The following KAT6A variants were observed in gnomAD, a reference collection of about 807,000 sequenced individuals.
KAT6A encodes histone acetyltransferase KAT6A.
In KAT6A, 9 loss-of-function variants were observed where a neutral mutation model predicts 198.4. The ratio of observed to expected loss-of-function variants is 0.05; its 90% CI spans 0.03 to 0.08. The LOEUF is 0.08. Among genes scored for constraint, KAT6A ranks in the 10% least tolerant of loss-of-function variants. KAT6A has a pLI of 1.00. For synonymous variants in KAT6A, 890 were observed against 883.0 expected, an observed-to-expected ratio of 1.01 and a Z score of -0.14; for missense variants, 2,077 against 2,509.9, an observed-to-expected ratio of 0.83 and a Z score of 3.69.
In KAT6A at chr8:41,942,815, T is replaced by C; in HGVS notation, c.2414A>G (p.Gln805Arg). 6.2e-7 allele frequency: 1 copy of C among 1,614,156 alleles called. No homozygotes were observed. Among genetic ancestry groups the C allele is most frequent in the Non-Finnish European group, 8.5e-7 (1 of 1,179,992 alleles). The change falls in exon 14 of 17, where the codon CAG becomes CGG. Residue 805 changes from glutamine (Q) to arginine (R), a missense_variant. Physicochemically the swap from Gln to Arg is conservative, Grantham distance 43 (BLOSUM62 1). Transcript: ENST00000265713. ...TACACTGATCTCTAATTCTCTTTCCTGGCACTGTGGCTCTTCGTTTTCTCC... is the reference window on the plus strand; with the variant it reads ...TACACTGATCTCTAATTCTCTTTCCCGGCACTGTGGCTCTTCGTTTTCTCC... ...EEGENEEPQC[Q>R]ERELEISVGK...
At chr8:41,991,062 A>G (rs544929050) in intron 2 of KAT6A, among the ~76,000 whole-genome samples, 1 of 152,140 alleles carries the variant, frequency 6.6e-6, no homozygotes, top group Admixed American at 6.5e-5. Flanking sequence ...ATAAATATAA[A>G]TTGACAAGAC....
intron 2 of KAT6A, among the ~76,000 whole-genome samples, chr8:41,996,085 C>T (rs141272619): frequency 2.8e-3 from 425 of 152,258 alleles, no homozygotes; most frequent in African/African-American, 9.6e-3. Context: ...TTTATTTTGT[C>T]TCTATTCTTA....
At chr8:42,031,204 T>C (rs1326350396) in intron 2 of KAT6A, among the ~76,000 whole-genome samples, 1 of 152,210 alleles carries the variant, frequency 6.6e-6, no homozygotes, top group East Asian at 1.9e-4. Flanking sequence ...GAATTCTCGT[T>C]TTTGTACTTT....
intron 2 of KAT6A, among the ~76,000 whole-genome samples, chr8:42,003,991 C>T (rs1057066962): frequency 3.3e-5 from 5 of 152,282 alleles, no homozygotes; most frequent in Middle Eastern, 3.4e-3. Context: ...ATTTAGTCTA[C>T]GGTATTCTGT....
chr8:42,040,400 A>G (rs1357592049), intron 2 of KAT6A, among the ~76,000 whole-genome samples: 2 of 152,152 alleles, frequency 1.3e-5, no homozygotes, highest in Non-Finnish European at 2.9e-5. Flanking sequence ...GAAAGAGTAA[A>G]GTACTTATTC....
chr8:41,997,703 C>A (rs1485113227), intron 2 of KAT6A, among the ~76,000 whole-genome samples: 3 of 152,156 alleles, frequency 2.0e-5, no homozygotes, highest in Admixed American at 6.5e-5. Flanking sequence ...CAACTACAAC[C>A]TAGACTGCCT....
At chr8:41,955,172 T>C (rs538962647) in intron 9 of KAT6A, 124 bp downstream of exon 9, 1 of 660,904 alleles carries the variant, frequency 1.5e-6, no homozygotes, top group East Asian at 2.9e-5. Flanking sequence ...ATTATGGACA[T>C]TTAAAAGCCC....
intron 2 of KAT6A, among the ~76,000 whole-genome samples, chr8:42,038,203 T>G (rs1827471892): frequency 6.6e-6 from 1 of 152,198 alleles, no homozygotes; most frequent in Non-Finnish European, 1.5e-5. Flanking sequence ...TAAATGGACT[T>G]TTTTTCCCAA....
chr8:41,974,821 G>A lies in KAT6A; in HGVS notation c.1365C>T (p.Asp455=). ...GTTTGCCATCCCAGCCATCCTGATT[G>A]TCTACATATAAAAAAAGAGCTCACA... ...RKSSTSDWPT[D]NQDGWDGKQE... The change falls in exon 8 of 17, where the codon GAC becomes GAT. Residue 455 remains aspartate (D), a splice_region_variant and synonymous_variant. Transcript: ENST00000265713. 1.3e-6 allele frequency: 2 copies of A among 1,596,138 alleles called. 1 individual carries two copies. The highest frequency in any genetic ancestry group is 2.2e-5 in the South Asian group (2 of 89,368).
At position 41,932,174 on chromosome 8, in the gene KAT6A, A is replaced by AT. The variant is rs768772608; in HGVS notation, c.*30dup. ...ATAAAAGGTTCCTTTATTTATATAT[A>AT]TTTAAGTTTTTGATTGCAAGTTCAT... On this transcript the variant is annotated 3_prime_UTR_variant, in exon 17 of 17. Coordinates refer to ENST00000265713, the MANE Select transcript of KAT6A (RefSeq NM_006766.5). 9 of 1,504,076 alleles carry AT rather than the reference A, an allele frequency of 6.0e-6. No individual in the cohort carries two copies. The highest frequency in any genetic ancestry group is 7.1e-6 in the Non-Finnish European group (8 of 1,127,062). 93.2% of individuals were successfully genotyped at this position (1,504,076 alleles called of 1,614,324 possible). A position where few individuals can be genotyped will look rare whatever the true frequency, so the allele number is the denominator to read the frequency against.
rs926177225 is a variant in KAT6A at position 42,033,767 on chromosome 8, C to T, written c.600+14611G>A. ...TACTCTGTCACTCCTAATCACTGTG[C>T]CGGCCCCTGGAAGATGCTTAATACA... On this transcript the variant is annotated intron_variant, in intron 2 of 16. Coordinates refer to ENST00000265713, the MANE Select transcript of KAT6A (RefSeq NM_006766.5). Among the ~76,000 whole-genome samples the T allele has an allele frequency of 2.0e-5, 3 of 152,092 alleles. No homozygotes were observed. The South Asian group carries it at 6.2e-4, about 32-fold the overall frequency.
chr8:41,956,332 C>A (rs974969149), intron 8 of KAT6A, among the ~76,000 whole-genome samples: 1 of 152,110 alleles, frequency 6.6e-6, no homozygotes, highest in East Asian at 1.9e-4. Context: ...CAAATACTAA[C>A]TGACAAGAAA....
At chr8:42,026,782 T>A (rs1399623486) in intron 2 of KAT6A, among the ~76,000 whole-genome samples, 2 of 152,110 alleles carry the variant, frequency 1.3e-5, no homozygotes, top group Non-Finnish European at 2.9e-5. Context: ...AATGCTCCGG[T>A]TGGGATTTCC....
At chr8:41,954,846 T>A (rs1418849879) in intron 9 of KAT6A, among the ~76,000 whole-genome samples, 1 of 152,202 alleles carries the variant, frequency 6.6e-6, no homozygotes, top group African/African-American at 2.4e-5. Flanking sequence ...TATTTATATA[T>A]AATTTTTACA....
chr8:41,968,695 CAG>C (rs1297854591), intron 8 of KAT6A, among the ~76,000 whole-genome samples: 4 of 152,178 alleles, frequency 2.6e-5, no homozygotes, highest in South Asian at 2.1e-4. Context: ...TTTCTACTGA[CAG>C]AGTCTTTTAA....
intron 2 of KAT6A, among the ~76,000 whole-genome samples, chr8:42,024,584 C>G (rs560075704): frequency 6.6e-6 from 1 of 151,966 alleles, no homozygotes; most frequent in Non-Finnish European, 1.5e-5. Context: ...CTTCATCCAC[C>G]CCACCCCTCG....
chr8:41,957,378 G>A (rs1024367321), intron 8 of KAT6A: 3 of 475,100 alleles, frequency 6.3e-6, no homozygotes, highest in African/African-American at 2.0e-5. Context: ...CAGGGAGGAA[G>A]AAATGGCTAC....
intron 8 of KAT6A, among the ~76,000 whole-genome samples, chr8:41,969,837 A>G (rs964774656): frequency 1.3e-5 from 2 of 151,874 alleles, no homozygotes; most frequent in African/African-American, 4.8e-5. Flanking sequence ...AAGTTTATCA[A>G]CCTCTTTCAC....
intron 2 of KAT6A, among the ~76,000 whole-genome samples, chr8:42,005,742 T>C (rs973148778): frequency 1.1e-4 from 16 of 150,504 alleles, no homozygotes; most frequent in African/African-American, 3.4e-4. Flanking sequence ...GTGCTGCACA[T>C]ATTCAAATGC....
Sources: allele counts gnomAD v4.1 joint callset (sites outside exome capture counted in the v4.1 genomes callset), GRCh38; gene constraint gnomAD v4.1.1; transcripts MANE v1.5; gene names NCBI Gene and HGNC (gene_info 2026-07-23, HGNC 2026-07-21).